PRLR: variants seen among roughly 807,000 people sequenced by gnomAD.
The protein encoded by PRLR is prolactin receptor.
PRLR carries 13 observed loss-of-function variants against 40.2 expected under a neutral mutation model. The observed-to-expected ratio is 0.32, with a 90% CI of 0.21 to 0.51. The LOEUF (loss-of-function observed/expected upper bound fraction) is 0.51. Among genes scored for constraint, PRLR ranks in the 20% least tolerant of loss-of-function variants. The probability of loss-of-function intolerance (pLI) is 0.97; values close to 1 mark genes in which losing one functional copy is unlikely to be tolerated. For synonymous variants in PRLR, 269 were observed against 278.7 expected, an observed-to-expected ratio of 0.97 and a Z score of 0.35; for missense variants, 656 against 747.3, an observed-to-expected ratio of 0.88 and a Z score of 1.42.
At chr5:35,051,888 A>G (rs142795613), downstream of PRLR, among the ~76,000 whole-genome samples, 20 of 152,308 alleles carry the variant, frequency 1.3e-4, no homozygotes, top group African/African-American at 4.8e-4. Flanking sequence ...TACCACTCCC[A>G]GGAAAATCCA....
At chr5:35,120,218 C>T (rs1773240045) in intron 1 of PRLR, among the ~76,000 whole-genome samples, 2 of 152,104 alleles carry the variant, frequency 1.3e-5, no homozygotes, top group Non-Finnish European at 2.9e-5. Context: ...GTATCTTTTA[C>T]CACAAGACTA....
chr5:35,091,702 A>G (rs902500527), intron 2 of PRLR, among the ~76,000 whole-genome samples: 2 of 152,212 alleles, frequency 1.3e-5, no homozygotes, highest in East Asian at 1.9e-4. Context: ...CAGGAGAGCC[A>G]GAGCCGAGAG....
chr5:35,092,169 G>A (rs1305902119), intron 2 of PRLR, among the ~76,000 whole-genome samples: 1 of 152,116 alleles, frequency 6.6e-6, no homozygotes, highest in Non-Finnish European at 1.5e-5. Context: ...ATGTCTTCAG[G>A]AAGTATTCTA....
chr5:35,072,540 C>G (rs1769815800), intron 6 of PRLR, 35 bp downstream of exon 6: 1 of 1,596,850 alleles, frequency 6.3e-7, no homozygotes, highest in African/African-American at 1.3e-5. Flanking sequence ...TTGCCAAAGG[C>G]CATAGTTCCT....
chr5:35,134,711 TA>T (rs1395602623), intron 1 of PRLR, among the ~76,000 whole-genome samples: 1 of 152,164 alleles, frequency 6.6e-6, no homozygotes, highest in Non-Finnish European at 1.5e-5. Flanking sequence ...GGTGGAAAAG[TA>T]AAGTGGCAAG....
chr5:35,095,967 A>G (rs1404573185), intron 2 of PRLR, among the ~76,000 whole-genome samples: 1 of 152,228 alleles, frequency 6.6e-6, no homozygotes, highest in East Asian at 1.9e-4. Context: ...CCACTGAGGA[A>G]AGAACTTCCT....
chr5:35,139,529 C>T (rs1773953955), intron 1 of PRLR, among the ~76,000 whole-genome samples: 2 of 151,978 alleles, frequency 1.3e-5, no homozygotes. Flanking sequence ...AAGAAAAAAC[C>T]CCACATACTA....
At chr5:35,161,889 A>G (rs906043083) in intron 1 of PRLR, among the ~76,000 whole-genome samples, 1 of 152,234 alleles carries the variant, frequency 6.6e-6, no homozygotes, top group South Asian at 2.1e-4. Context: ...GTGAGCCTTA[A>G]AACACTGTCG....
intron 1 of PRLR, among the ~76,000 whole-genome samples, chr5:35,139,626 C>A (rs555867724): frequency 1.1e-3 from 172 of 152,092 alleles, no homozygotes; most frequent in Non-Finnish European, 8.2e-4. Context: ...TAAAAGGAAC[C>A]AAACTAAAAG....
At chr5:35,071,670 C>T (rs1769750798) in intron 6 of PRLR, among the ~76,000 whole-genome samples, 2 of 152,192 alleles carry the variant, frequency 1.3e-5, no homozygotes, top group South Asian at 4.1e-4. Flanking sequence ...TGACCTCAGC[C>T]CACTGAAATC....
In PRLR at chr5:35,076,664, G is replaced by A. The variant is rs187433603; in HGVS notation, c.374-3920C>T. On this transcript the variant is annotated intron_variant, in intron 5 of 9. Transcript: ENST00000618457. ...GTACTTCTCCAACCTAGAAAGGCAA[G>A]CCAACATTCAAATTCAGGAAATACA... Among the ~76,000 whole-genome samples, 463 of 152,280 alleles carry A rather than the reference G, an allele frequency of 3.0e-3. 3 individuals are homozygous for A. The highest frequency in any genetic ancestry group is 0.011 in the African/African-American group (441 of 41,552).
intron 5 of PRLR, among the ~76,000 whole-genome samples, chr5:35,073,278 C>G (rs937644032): frequency 1.3e-5 from 2 of 152,228 alleles, no homozygotes; most frequent in Non-Finnish European, 2.9e-5. Flanking sequence ...ATATTACACC[C>G]TGTGGTAAAT....
intron 2 of PRLR, among the ~76,000 whole-genome samples, chr5:35,095,920 A>C (rs1771511265): frequency 6.6e-6 from 1 of 152,190 alleles, no homozygotes; most frequent in Admixed American, 6.5e-5. Context: ...CTGATTCCAG[A>C]TATTCCCCTG....
At chr5:35,207,584 C>T (rs1228976331) in intron 1 of PRLR, among the ~76,000 whole-genome samples, 6 of 151,682 alleles carry the variant, frequency 4.0e-5, no homozygotes, top group Non-Finnish European at 8.8e-5. Context: ...CCTGATTTAA[C>T]ACATTCCCAA....
intron 1 of PRLR, among the ~76,000 whole-genome samples, chr5:35,179,000 C>T (rs969329454): frequency 6.6e-6 from 1 of 152,082 alleles, no homozygotes; most frequent in Non-Finnish European, 1.5e-5. Flanking sequence ...ACTTTTTAAC[C>T]TTCCTTAACA....
Position 35,070,190 on chromosome 5 carries a change from G to C in PRLR, c.619C>G (p.Arg207Gly). The C allele has an allele frequency of 6.2e-7, 1 of 1,614,136 alleles. No individual in the cohort carries two copies. The highest frequency in any genetic ancestry group is 8.5e-7 in the Non-Finnish European group (1 of 1,180,012). ...HPGQKYLVQVRCKPDHGYWSA... is the reference protein window; with the variant it reads ...HPGQKYLVQVGCKPDHGYWSA... ...CAGTATCCATGGTCTGGTTTGCAGC[G>C]AACCTGGACAAGGTATTTCTGTCCT... is the stretch of plus-strand genomic sequence containing the variant. Residue 207 changes from arginine to glycine, a missense_variant, in exon 7 of 10, where the codon CGC (arginine) becomes GGC (glycine). By Grantham distance (125) the Arg-to-Gly change is moderately radical. This residue lies in a region of PRLR where 7 missense variants were observed against 19.0 expected (regional missense o/e 0.37). Transcript: ENST00000618457.
chr5:35,158,857 A>G (rs1178913930), intron 1 of PRLR, among the ~76,000 whole-genome samples: 2 of 152,224 alleles, frequency 1.3e-5, no homozygotes, highest in African/African-American at 2.4e-5. Flanking sequence ...AGAGGAAAGC[A>G]GAGATAAGAG....
At chr5:35,115,812 G>A (rs551841455) in intron 2 of PRLR, among the ~76,000 whole-genome samples, 3 of 152,242 alleles carry the variant, frequency 2.0e-5, no homozygotes, top group African/African-American at 7.2e-5. Context: ...AATTAAGTTA[G>A]AGAGACCAGA....
At chr5:35,098,725 A>C (rs1187382501) in intron 2 of PRLR, among the ~76,000 whole-genome samples, 2 of 152,252 alleles carry the variant, frequency 1.3e-5, no homozygotes, top group African/African-American at 4.8e-5. Context: ...AAATTAAAAT[A>C]AAACATAAAT....
Sources: allele counts gnomAD v4.1 joint callset (sites outside exome capture counted in the v4.1 genomes callset), GRCh38; gene constraint gnomAD v4.1.1; regional missense constraint gnomAD v4.1.1; transcripts MANE v1.5; gene names NCBI Gene and HGNC (gene_info 2026-07-23, HGNC 2026-07-21).